Variants in LMX1A observed in about 807,000 individuals in gnomAD.
LMX1A encodes LIM homeobox transcription factor 1-alpha.
LMX1A carries 15 observed loss-of-function variants against 49.1 expected under a neutral mutation model. The observed-to-expected ratio is 0.31, with a 90% CI of 0.20 to 0.47. The LOEUF is 0.47. LMX1A is among the 20% of genes least tolerant of loss of function. The pLI is 1.00. For synonymous variants in LMX1A, 167 were observed against 185.7 expected, an observed-to-expected ratio of 0.90 and a Z score of 0.82; for missense variants, 372 against 475.8, an observed-to-expected ratio of 0.78 and a Z score of 2.03.
At chr1:165,339,087 C>T (rs1655987385) in intron 3 of LMX1A, among the ~76,000 whole-genome samples, 1 of 152,192 alleles carries the variant, frequency 6.6e-6, no homozygotes, top group Non-Finnish European at 1.5e-5. Context: ...TTTGCCCAGG[C>T]CCAGCCAGCC....
chr1:165,231,255 G>A (rs1652230218), intron 4 of LMX1A, among the ~76,000 whole-genome samples: 1 of 151,726 alleles, frequency 6.6e-6, no homozygotes, highest in Non-Finnish European at 1.5e-5. Context: ...ACTTTTTTGA[G>A]GGTGTTGTTT....
chr1:165,229,469 A>G (rs1652164036), intron 4 of LMX1A, among the ~76,000 whole-genome samples: 1 of 152,198 alleles, frequency 6.6e-6, no homozygotes, highest in South Asian at 2.1e-4. Context: ...GAGGCAGCAC[A>G]AGAGCCCCGC....
chr1:165,318,050 T>C (rs1336424070), intron 3 of LMX1A, among the ~76,000 whole-genome samples: 1 of 152,204 alleles, frequency 6.6e-6, no homozygotes, highest in African/African-American at 2.4e-5. Context: ...CTGCCCCTGG[T>C]TGGAGAGAGG....
At chr1:165,296,438 C>T (rs976093285) in intron 3 of LMX1A, among the ~76,000 whole-genome samples, 7 of 152,248 alleles carry the variant, frequency 4.6e-5, no homozygotes, top group Non-Finnish European at 8.8e-5. Context: ...GGGAGAGGCA[C>T]CATCATACCC....
chr1:165,204,065 A>T (rs778201177), intron 8 of LMX1A, 25 bp from the exon 9 acceptor site: 17 of 1,612,374 alleles, frequency 1.1e-5, no homozygotes, highest in African/African-American at 1.3e-5. Context: ...AAACACTGGC[A>T]TGAGGGTCTT....
At chr1:165,211,631 A>G (rs1057056115) in intron 5 of LMX1A, among the ~76,000 whole-genome samples, 10 of 152,214 alleles carry the variant, frequency 6.6e-5, no homozygotes, top group African/African-American at 2.4e-4. Context: ...CCCCTTTATC[A>G]TGCCACTTGG....
In LMX1A at chr1:165,253,507, T is replaced by C. The variant is rs541217734; in HGVS notation, c.264-3867A>G. ...GGTTGACACAAAAAAAGAGGGCCATTCTAATTCTTTGAGTGAAGGAAGGCA... is the reference window on the plus strand; with the variant it reads ...GGTTGACACAAAAAAAGAGGGCCATCCTAATTCTTTGAGTGAAGGAAGGCA... On this transcript the variant is annotated intron_variant, in intron 3 of 8. Coordinates refer to ENST00000342310, the MANE Select transcript of LMX1A (RefSeq NM_177398.4). 2.0e-5 allele frequency among the ~76,000 whole-genome samples: 3 copies of C among 152,112 alleles called. No individual in the cohort carries two copies. In the South Asian group the frequency reaches 6.3e-4, roughly 32 times the overall value.
intron 3 of LMX1A, among the ~76,000 whole-genome samples, chr1:165,319,173 G>C (rs1181945324): frequency 2.0e-5 from 3 of 152,068 alleles, no homozygotes; most frequent in African/African-American, 7.2e-5. Flanking sequence ...AGAAAGACAA[G>C]AATGCTCCAT....
chr1:165,281,746 ATGTGTG>A (rs56913866), intron 3 of LMX1A, among the ~76,000 whole-genome samples: 12 of 125,884 alleles, frequency 9.5e-5, no homozygotes, highest in South Asian at 2.3e-4. Context: ...GTGTGTGTGT[ATGTGTG>A]TGTGTGTGTG....
intron 3 of LMX1A, among the ~76,000 whole-genome samples, chr1:165,315,357 C>T (rs1289337007): frequency 6.6e-6 from 1 of 152,198 alleles, no homozygotes; most frequent in Non-Finnish European, 1.5e-5. Flanking sequence ...GCCCTACTTC[C>T]TTTCATCTCT....
chr1:165,253,271 C>A (rs893486067), intron 3 of LMX1A, among the ~76,000 whole-genome samples: 1 of 152,128 alleles, frequency 6.6e-6, no homozygotes, highest in African/African-American at 2.4e-5. Flanking sequence ...AGCAATGTCC[C>A]ATGAATATAA....
chr1:165,302,107 C>G (rs1327823577), intron 3 of LMX1A, among the ~76,000 whole-genome samples: 1 of 152,000 alleles, frequency 6.6e-6, no homozygotes, highest in Non-Finnish European at 1.5e-5. Context: ...GTCTCCCAAA[C>G]CCCCTTTTCT....
At position 165,353,135 on chromosome 1, in the gene LMX1A, G is replaced by C. The variant is rs773001799; in HGVS notation, c.204C>G (p.Pro68=). The C allele has an allele frequency of 6.2e-7, 1 of 1,614,218 alleles. No homozygotes were observed. The highest frequency in any genetic ancestry group is 2.2e-5 in the East Asian group (1 of 44,880). The change falls in exon 3 of 9, where the codon CCC becomes CCG. Residue 68 remains proline, a synonymous_variant. Coordinates refer to ENST00000342310, the MANE Select transcript of LMX1A (RefSeq NM_177398.4). ...CCCGGTAGAAGCAGGTGGTCTCCAG[G>C]GGCTCTTTGCAGGAGGCGCACTGCA... ...QCVQCASCKE[P]LETTCFYRDK...
intron 3 of LMX1A, among the ~76,000 whole-genome samples, chr1:165,329,995 T>C (rs1655698948): frequency 6.6e-6 from 1 of 152,218 alleles, no homozygotes; most frequent in South Asian, 2.1e-4. Flanking sequence ...ACTGAATTTA[T>C]CCTACTGTTA....
chr1:165,323,003 C>T (rs1204685770), intron 3 of LMX1A, among the ~76,000 whole-genome samples: 2 of 152,190 alleles, frequency 1.3e-5, no homozygotes, highest in South Asian at 2.1e-4. Context: ...ACTCTATTTC[C>T]TCAAATGCTA....
chr1:165,348,192 T>C (rs545136094), intron 3 of LMX1A, among the ~76,000 whole-genome samples: 1 of 152,312 alleles, frequency 6.6e-6, no homozygotes, highest in African/African-American at 2.4e-5. Flanking sequence ...TAAAAATGTG[T>C]TCCATTTATG....
intron 3 of LMX1A, among the ~76,000 whole-genome samples, chr1:165,350,689 C>T (rs1480168684): frequency 6.6e-6 from 1 of 151,634 alleles, no homozygotes; most frequent in Admixed American, 6.6e-5. Flanking sequence ...GATAGAGAAA[C>T]GAAAAAAGGA....
chr1:165,213,745 C>T lies in LMX1A; in HGVS notation c.565G>A (p.Gly189Ser), dbSNP rs1201905577. The T allele has an allele frequency of 2.5e-6, 4 of 1,614,066 alleles. No homozygotes were observed. The highest frequency in any genetic ancestry group is 3.4e-6 in the Non-Finnish European group (4 of 1,180,030). Residue 189 changes from glycine to serine, a missense_variant, in exon 5 of 9, where the codon GGC becomes AGC. Gly to Ser is a moderately conservative substitution (Grantham distance 56). Transcript: ENST00000342310. Reference protein sequence around the residue: ...HGAGKGTAEEGKDHKRPKRPR... With the variant: ...HGAGKGTAEESKDHKRPKRPR... Reference sequence around the variant, plus strand: ...CGTTTGGGGCGCTTATGGTCCTTGCCTTCCTCAGCAGTTCCTTTCCCTGCC... The same window carrying T: ...CGTTTGGGGCGCTTATGGTCCTTGCTTTCCTCAGCAGTTCCTTTCCCTGCC...
chr1:165,296,573 C>T (rs909754153), intron 3 of LMX1A, among the ~76,000 whole-genome samples: 1 of 152,254 alleles, frequency 6.6e-6, no homozygotes, highest in Non-Finnish European at 1.5e-5. Flanking sequence ...GAATTAACTG[C>T]TCCTTCCCCT....
Sources: gnomAD v4.1 joint callset for allele counts (sites outside exome capture counted in the v4.1 genomes callset) on GRCh38, gnomAD v4.1.1 for gene constraint, MANE v1.5 for transcripts, NCBI Gene and HGNC (gene_info 2026-07-23, HGNC 2026-07-21) for gene names.